Variants in TNFRSF18 observed in about 807,000 individuals in gnomAD.
TNFRSF18 encodes the protein TNF receptor superfamily member 18.
In TNFRSF18, 36 loss-of-function variants were observed where a neutral mutation model predicts 30.2. The observed-to-expected ratio is 1.19, with a 90% CI of 0.91 to 1.58. The LOEUF (loss-of-function observed/expected upper bound fraction) is 1.58, where lower values mean the gene tolerates loss of function less well. Among genes scored for constraint, TNFRSF18 ranks in the 40% most tolerant of loss-of-function variants. The pLI, the probability that TNFRSF18 is intolerant of heterozygous loss-of-function variation, is 0.00. For synonymous variants in TNFRSF18, 173 were observed against 158.3 expected (o/e 1.09, Z -0.70); for missense variants, 369 against 345.4 (o/e 1.07, Z -0.54).
Position 1,203,891 on chromosome 1 carries a change from C to A in TNFRSF18, c.679G>T (p.Glu227Ter), listed in dbSNP as rs764023260. ...CGCCCCTTCTCCTCTGCCGATCGCT[C>A]GCCCCGCTCTTCCTCGGGGAACTGG... ...SCQFPEEERG[E>*]RSAEEKGRLG... is the part of the protein sequence containing the mutation. The change falls in exon 5 of 5, where the codon GAG becomes TAG. Residue 227 changes from glutamate to a stop codon, truncating the protein, a stop_gained. Coordinates refer to ENST00000379268, the MANE Select transcript of TNFRSF18 (RefSeq NM_004195.3). LOFTEE classifies it high-confidence loss of function. 6.2e-7 allele frequency: 1 copy of A among 1,605,812 alleles called. No homozygotes were observed. Among genetic ancestry groups the A allele is most frequent in the South Asian group, 1.1e-5 (1 of 90,590 alleles).
Position 1,206,501 on chromosome 1 carries a change from A to G in TNFRSF18, c.71T>C (p.Leu24Pro). 1 of 1,545,066 alleles carries G rather than the reference A, an allele frequency of 6.5e-7. No homozygotes were observed. The highest frequency in any genetic ancestry group is 1.4e-5 in the African/African-American group (1 of 72,482). Residue 24 changes from leucine (L) to proline (P), a missense_variant, in exon 1 of 5, where the codon CTG (leucine) becomes CCG (proline). Transcript: ENST00000379268. Reference protein sequence around the residue: ...CGLALLCALSLGQRPTGGPGC... With the variant: ...CGLALLCALSPGQRPTGGPGC... Reference sequence around the variant, plus strand: ...GGGACCCCCGGTGGGGCGCTGACCCAGGCTGAGCGCGCACAGCAGCGCCAG... The same window carrying G: ...GGGACCCCCGGTGGGGCGCTGACCCGGGCTGAGCGCGCACAGCAGCGCCAG...
At position 1,203,827 on chromosome 1, in the gene TNFRSF18, C is replaced by G. The variant is rs1315358649; in HGVS notation, c.*17G>C. 6.3e-7 allele frequency: 1 copy of G among 1,585,776 alleles called. No homozygotes were observed. The highest frequency in any genetic ancestry group is 1.3e-5 in the African/African-American group (1 of 74,678). ...GAGGGGCTGGCTGCGGTCGGTGGCC[C>G]CGGAGGACGGCCAGGCTCACACCCA... On this transcript the variant is annotated 3_prime_UTR_variant, in exon 5 of 5. Transcript: ENST00000379268.
chr1:1,205,455 G>A lies in TNFRSF18; in HGVS notation c.225C>T (p.Val75=). Residue 75 remains valine, a synonymous_variant, in exon 2 of 5, where the codon GTC becomes GTT. Transcript: ENST00000379268. ...GGTCTCCGCAGTGGAATTCAGGCTG[G>A]ACACACATGCAGTCCCACTCGGAAC... The part of the protein sequence containing the change: ...ECCSEWDCMC[V]QPEFHCGDPC... The A allele has an allele frequency of 6.2e-7, 1 of 1,612,582 alleles. No individual in the cohort carries two copies. Among genetic ancestry groups the A allele is most frequent in the Non-Finnish European group, 8.5e-7 (1 of 1,179,798 alleles).
chr1:1,206,237 C>T, intron 1 of TNFRSF18, 148 bp downstream of exon 1: 16 of 946,308 alleles, frequency 1.7e-5, no homozygotes, highest in Non-Finnish European at 2.2e-5. Context: ...TGCCTCCCTC[C>T]GGAAGGCTCC....
At chr1:1,205,813 G>A (rs11466682) in intron 1 of TNFRSF18, 5,824 of 345,540 alleles carry the variant, frequency 0.017, 307 homozygotes, top group African/African-American at 0.12. Flanking sequence ...GAGGCCCGTC[G>A]ACACCTCAGA....
Position 1,204,034 on chromosome 1 carries a change from C to G in TNFRSF18, c.601G>C (p.Glu201Gln). The change falls in exon 4 of 5, where the codon GAG (glutamate) becomes CAG (glutamine). Residue 201 changes from glutamate to glutamine, a missense_variant and splice_region_variant. Glu to Gln is a conservative substitution (Grantham distance 29). Coordinates refer to ENST00000379268, the MANE Select transcript of TNFRSF18 (RefSeq NM_004195.3). Reference protein sequence around the residue: ...QLRSQCMWPRETQLLLEVPPS... With the variant: ...QLRSQCMWPRQTQLLLEVPPS... ...CTCCCCGCACCAGGCTGTGACAGAC[C>G]TCGGGGCCACATGCACTGACTCCTC... The G allele has an allele frequency of 1.9e-6, 3 of 1,606,892 alleles. No homozygotes were observed. The highest frequency in any genetic ancestry group is 2.5e-6 in the Non-Finnish European group (3 of 1,177,722).
Position 1,203,701 on chromosome 1 carries a change from G to A in TNFRSF18, c.*143C>T, listed in dbSNP as rs746208961. ...GCCGCCGAACTGCATGGTCCAGGGC[G>A]CTGGTCACTGCCACCTTCCTGCACC... On this transcript the variant is annotated 3_prime_UTR_variant, in exon 5 of 5. Transcript: ENST00000379268. 3.8e-6 allele frequency: 6 copies of A among 1,562,434 alleles called. No homozygotes were observed. Among genetic ancestry groups the A allele is most frequent in the East Asian group, 2.3e-5 (1 of 43,460 alleles).
chr1:1,205,645 TG>T (rs1648787444), intron 1 of TNFRSF18, 153 bp from the exon 2 acceptor site: 1 of 778,664 alleles, frequency 1.3e-6, no homozygotes, highest in African/African-American at 1.8e-5. Context: ...GTCTGGACCC[TG>T]GGTTTATCCA....
chr1:1,205,031 G>A (rs964328017), intron 2 of TNFRSF18, among the ~76,000 whole-genome samples: 1 of 152,148 alleles, frequency 6.6e-6, no homozygotes, highest in Non-Finnish European at 1.5e-5. Context: ...ACTCCGGGGG[G>A]CACAGGGCAG....
intron 1 of TNFRSF18, 99 bp from the exon 2 acceptor site, chr1:1,205,591 C>A: frequency 7.4e-7 from 1 of 1,357,170 alleles, no homozygotes; most frequent in East Asian, 2.4e-5. Context: ...TGTCCGTTCT[C>A]CACCCACAGT....
chr1:1,205,555 C>T, intron 1 of TNFRSF18, 63 bp from the exon 2 acceptor site: 1 of 1,562,464 alleles, frequency 6.4e-7, no homozygotes, highest in Non-Finnish European at 8.7e-7. Context: ...CCCAGGCCTC[C>T]CCTCGGCCCT....
chr1:1,205,706 C>T (rs2100940985), intron 1 of TNFRSF18: 1 of 579,960 alleles, frequency 1.7e-6, no homozygotes, highest in Non-Finnish European at 3.1e-6. Flanking sequence ...CCCCTTTGCG[C>T]CCCACAGCTG....
In TNFRSF18 at chr1:1,204,202, C is replaced by G; in HGVS notation, c.433G>C (p.Gly145Arg). The change falls in exon 4 of 5, where the codon GGG becomes CGG. Residue 145 changes from glycine (G) to arginine (R), a missense_variant. Transcript: ENST00000379268. ...TQFGFLTVFPGNKTHNAVCVP... is the reference protein window; with the variant it reads ...TQFGFLTVFPRNKTHNAVCVP... Reference sequence around the variant, plus strand: ...CACACAGCGTTGTGGGTCTTGTTCCCAGGGAACACAGTGAGAAACCCGAAC... The same window carrying G: ...CACACAGCGTTGTGGGTCTTGTTCCGAGGGAACACAGTGAGAAACCCGAAC... 1 of 1,611,924 alleles carries G rather than the reference C, an allele frequency of 6.2e-7. No homozygotes were observed.
rs1274408215 is a variant in TNFRSF18 at position 1,205,362 on chromosome 1, G to A, written c.310+8C>T. The A allele has an allele frequency of 3.1e-6, 5 of 1,610,388 alleles. No individual in the cohort carries two copies. The South Asian group carries it at 5.5e-5, about 18-fold the overall frequency. On this transcript the variant is annotated splice_region_variant and intron_variant, in intron 2 of 4. Coordinates refer to ENST00000379268, the MANE Select transcript of TNFRSF18 (RefSeq NM_004195.3). ...GTGTGGACTCCCAGAGGCACCTCCA[G>A]GACTTACCCTGGGACTGTACCCCCT... is the stretch of plus-strand genomic sequence containing the variant.
At chr1:1,206,052 A>C (rs1464318044) in intron 1 of TNFRSF18, among the ~76,000 whole-genome samples, 2 of 152,198 alleles carry the variant, frequency 1.3e-5, no homozygotes, top group Non-Finnish European at 2.9e-5. Context: ...TCAACTGGGC[A>C]GGAGGGGGCT....
chr1:1,206,444 G>C lies in TNFRSF18; in HGVS notation c.128C>G (p.Thr43Arg), dbSNP rs11466676. The C allele has an allele frequency of 7.7e-3, 11,852 of 1,547,336 alleles. 753 individuals are homozygous for C. In the African/African-American group the frequency reaches 0.14, roughly 18 times the overall value. ...CCGGCAGCAGCGCGCGTCCGTTCCC[G>C]TCCCAAGCAGGAGGCGCCCAGGGCC... ...GCGPGRLLLG[T>R]GTDARCCRVH... Residue 43 changes from threonine to arginine, a missense_variant, in exon 1 of 5, where the codon ACG (threonine) becomes AGG (arginine). Coordinates refer to ENST00000379268, the MANE Select transcript of TNFRSF18 (RefSeq NM_004195.3).
At chr1:1,206,037 G>A (rs904937729) in intron 1 of TNFRSF18, among the ~76,000 whole-genome samples, 5 of 152,178 alleles carry the variant, frequency 3.3e-5, no homozygotes, top group African/African-American at 9.7e-5. Flanking sequence ...GGTGCAGGGG[G>A]GCCCTCAACT....
At chr1:1,204,664 C>T (rs1450678407) in intron 2 of TNFRSF18, among the ~76,000 whole-genome samples, 178 bp from the exon 3 acceptor site, 7 of 152,142 alleles carry the variant, frequency 4.6e-5, no homozygotes, top group Non-Finnish European at 7.4e-5. Flanking sequence ...CATGTCTGCC[C>T]GTCCCAGGTG....
chr1:1,204,605 C>G (rs1345098756), intron 2 of TNFRSF18, 119 bp from the exon 3 acceptor site: 10 of 742,334 alleles, frequency 1.3e-5, no homozygotes, highest in Non-Finnish European at 2.1e-5. Flanking sequence ...GTAGAATGCC[C>G]CCCCCATCAT....
Sources: gnomAD v4.1 joint callset for allele counts (sites outside exome capture counted in the v4.1 genomes callset) on GRCh38, gnomAD v4.1.1 for gene constraint, MANE v1.5 for transcripts, NCBI Gene and HGNC (gene_info 2026-07-23, HGNC 2026-07-21) for gene names.